KIAA1217: variants seen among roughly 807,000 people sequenced by gnomAD.
The protein encoded by KIAA1217 is KIAA1217.
A neutral mutation model predicts 163.9 loss-of-function variants in KIAA1217; 88 were observed. The observed-to-expected ratio is 0.54, with a 90% confidence interval of 0.45 to 0.64. KIAA1217 has a LOEUF of 0.64. Ranked by LOEUF, KIAA1217 falls within the 30% of genes least tolerant of loss-of-function variation. The pLI is 0.00. For missense variants in KIAA1217, 2,372 were observed against 2,475.0 expected (o/e 0.96, Z 0.88); for synonymous variants, 903 against 923.1 (o/e 0.98, Z 0.39).
chr10:24,364,350 C>T (rs1306321514), intron 2 of KIAA1217, among the ~76,000 whole-genome samples: 1 of 152,178 alleles, frequency 6.6e-6, no homozygotes, highest in Non-Finnish European at 1.5e-5. Flanking sequence ...GTAAATGCTC[C>T]ACGTTGATTT....
intron 1 of KIAA1217, among the ~76,000 whole-genome samples, chr10:23,849,955 C>A (rs911823730): frequency 4.3e-4 from 65 of 152,080 alleles, no homozygotes; most frequent in African/African-American, 1.4e-3. Flanking sequence ...TACTTTCTAA[C>A]CTGAATAGCC....
intron 2 of KIAA1217, among the ~76,000 whole-genome samples, chr10:24,076,620 G>A (rs1330260394): frequency 6.6e-6 from 1 of 152,064 alleles, no homozygotes; most frequent in Non-Finnish European, 1.5e-5. Flanking sequence ...GAAAAGATGA[G>A]TGCCTTACCT....
chr10:24,342,308 G>T (rs1017442748), intron 2 of KIAA1217, among the ~76,000 whole-genome samples: 8 of 152,270 alleles, frequency 5.3e-5, no homozygotes, highest in African/African-American at 1.9e-4. Context: ...CAGAGAAAAT[G>T]GCAGCTGACA....
intron 4 of KIAA1217, among the ~76,000 whole-genome samples, chr10:24,436,098 T>G (rs2059997024): frequency 1.3e-5 from 2 of 152,088 alleles, no homozygotes; most frequent in Non-Finnish European, 2.9e-5. Flanking sequence ...TGACCTCAAG[T>G]GATCTGCCCA....
chr10:24,106,145 A>T (rs2062618711), intron 2 of KIAA1217, among the ~76,000 whole-genome samples: 2 of 152,182 alleles, frequency 1.3e-5, no homozygotes, highest in Admixed American at 6.5e-5. Flanking sequence ...TTTCCAGGAC[A>T]CAAGGGTGGC....
intron 1 of KIAA1217, among the ~76,000 whole-genome samples, chr10:23,902,201 A>G (rs2131247229): frequency 6.6e-6 from 1 of 152,198 alleles, no homozygotes; most frequent in African/African-American, 2.4e-5. Flanking sequence ...AAAAAGGAAC[A>G]AGATTATGTC....
At chr10:24,072,955 G>A (rs943721565) in intron 2 of KIAA1217, among the ~76,000 whole-genome samples, 3 of 151,830 alleles carry the variant, frequency 2.0e-5, no homozygotes, top group Non-Finnish European at 2.9e-5. Context: ...CTACTCAGGA[G>A]GCTGCAGTGG....
At chr10:24,311,913 C>A (rs2133051071) in intron 2 of KIAA1217, among the ~76,000 whole-genome samples, 1 of 152,048 alleles carries the variant, frequency 6.6e-6, no homozygotes, top group Non-Finnish European at 1.5e-5. Flanking sequence ...AAGAGTATAG[C>A]TGGCTTTTTT....
chr10:24,272,328 T>C lies in KIAA1217; in HGVS notation c.354+52419T>C, dbSNP rs145822263. 5.9e-5 allele frequency among the ~76,000 whole-genome samples: 9 copies of C among 152,330 alleles called. No homozygotes were observed. The East Asian group carries it at 1.7e-3, about 29-fold the overall frequency. ...AGATTAGTTCTACTTTCTAACTCGA[T>C]GTGTGACATTTTTTCCACTTAATTT... On this transcript the variant is annotated intron_variant, in intron 2 of 20. Transcript: ENST00000376454.
intron 1 of KIAA1217, among the ~76,000 whole-genome samples, chr10:23,766,518 G>T (rs1410430514): frequency 6.6e-6 from 1 of 151,102 alleles, no homozygotes; most frequent in African/African-American, 2.4e-5. Flanking sequence ...CAAGTTAGTT[G>T]ATTCTCTGGG....
rs2063524229 is a variant in KIAA1217, at chr10:24,127,966, G to T, written c.-170-91660G>T. On this transcript the variant is annotated intron_variant, in intron 2 of 18. Coordinates refer to the KIAA1217 transcript ENST00000376462. ...CAAAGAATTCACACACATACAAAAA[G>T]AACAATATTGCAAATATTCTTCTCA... Among the ~76,000 whole-genome samples, 4 of 152,192 alleles carry T rather than the reference G, an allele frequency of 2.6e-5. No homozygotes were observed. The South Asian group carries it at 8.3e-4, about 32-fold the overall frequency.
At chr10:24,188,886 G>A (rs759085749) in intron 2 of KIAA1217, among the ~76,000 whole-genome samples, 7 of 151,942 alleles carry the variant, frequency 4.6e-5, no homozygotes, top group African/African-American at 7.3e-5. Flanking sequence ...CGGGCAGATC[G>A]CGGGGTCAGG....
At chr10:24,143,210 C>A (rs115207006) in intron 2 of KIAA1217, among the ~76,000 whole-genome samples, 1,715 of 152,282 alleles carry the variant, frequency 0.011, 24 homozygotes, top group African/African-American at 0.038. Flanking sequence ...CAGAGACCCT[C>A]TGGACACCAC....
At chr10:24,179,333 AT>A (rs1245131127) in intron 2 of KIAA1217, among the ~76,000 whole-genome samples, 1 of 151,952 alleles carries the variant, frequency 6.6e-6, no homozygotes, top group East Asian at 1.9e-4. Context: ...GTTTCTAATG[AT>A]TTAGCACCAT....
rs989093779 is a variant in KIAA1217, at chr10:23,934,379, G to T, written c.-320-72846G>T. 4.0e-5 allele frequency among the ~76,000 whole-genome samples: 6 copies of T among 150,992 alleles called. No individual in the cohort carries two copies. In the East Asian group the frequency reaches 1.2e-3, roughly 29 times the overall value. ...GGAACAACACACACTAGGGCCTGTT[G>T]GGGGGTGAGGGGTGAGGGGAGGGAG... On this transcript the variant is annotated intron_variant, in intron 1 of 18. Coordinates refer to the KIAA1217 transcript ENST00000376462.
At chr10:23,703,485 T>G (rs1004254161) in intron 1 of KIAA1217, among the ~76,000 whole-genome samples, 2 of 152,294 alleles carry the variant, frequency 1.3e-5, no homozygotes, top group African/African-American at 4.8e-5. Context: ...AGGTTTTTAT[T>G]TGAGATACGC....
chr10:24,149,486 AT>A (rs61418751), intron 2 of KIAA1217, among the ~76,000 whole-genome samples: 3,561 of 149,656 alleles, frequency 0.024, 136 homozygotes, highest in African/African-American at 0.078. Context: ...GCCTGGCCCT[AT>A]TTTTTTTTAA....
intron 1 of KIAA1217, among the ~76,000 whole-genome samples, chr10:23,770,846 G>A (rs1202637442): frequency 6.6e-6 from 1 of 152,178 alleles, no homozygotes; most frequent in East Asian, 1.9e-4. Flanking sequence ...GGGGGAGTCT[G>A]ATGAAATTAA....
At chr10:24,236,719 A>G (rs904790388) in intron 2 of KIAA1217, among the ~76,000 whole-genome samples, 4 of 151,024 alleles carry the variant, frequency 2.6e-5, no homozygotes, top group African/African-American at 9.8e-5. Flanking sequence ...GGGTGCAAAC[A>G]TAGCTCACTG....
Sources: allele counts gnomAD v4.1 joint callset (sites outside exome capture counted in the v4.1 genomes callset), GRCh38; gene constraint gnomAD v4.1.1; transcripts MANE v1.5; gene names NCBI Gene and HGNC (gene_info 2026-07-23, HGNC 2026-07-21).